The following RASGEF1A variants were observed in gnomAD, a reference collection of about 807,000 sequenced individuals.
The protein encoded by RASGEF1A is RasGEF domain family member 1A, also known as ras-GEF domain-containing family member 1A.
A neutral mutation model predicts 56.4 loss-of-function variants in RASGEF1A; 18 were observed. The observed-to-expected ratio is 0.32, with a 90% CI of 0.22 to 0.47. The LOEUF is 0.47. Ranked by LOEUF, RASGEF1A falls within the 20% of genes least tolerant of loss-of-function variation. The pLI, the probability that RASGEF1A is intolerant of heterozygous loss-of-function variation, is 1.00. For missense variants in RASGEF1A, 422 were observed against 627.1 expected (o/e 0.67, Z 3.49); for synonymous variants, 245 against 242.6 (o/e 1.01, Z -0.09).
In RASGEF1A at chr10:43,262,255, C is replaced by T. The variant is rs1003524426; in HGVS notation, c.-7+4590G>A. Among the ~76,000 whole-genome samples the T allele has an allele frequency of 1.3e-5, 2 of 152,202 alleles. 1 individual carries two copies. Among genetic ancestry groups the T allele is most frequent in the Non-Finnish European group, 2.9e-5 (2 of 68,028 alleles). On this transcript the variant is annotated intron_variant, in intron 1 of 12. Transcript: ENST00000395810. ...CTCCCGCCAGCCTCCTCCACGGAAGCTACTCTTTGTTAACAGCGTTGCCAT... is the reference window on the plus strand; with the variant it reads ...CTCCCGCCAGCCTCCTCCACGGAAGTTACTCTTTGTTAACAGCGTTGCCAT...
chr10:43,196,365 G>T lies in RASGEF1A; in HGVS notation c.1422-97C>A. 6.4e-7 allele frequency: 1 copy of T among 1,567,112 alleles called. No homozygotes were observed. Among genetic ancestry groups the T allele is most frequent in the Non-Finnish European group, 8.8e-7 (1 of 1,138,712 alleles). ...CCACCAAACATGCACCAGGGACCCT[G>T]GACCAGGGACGCGGCAGTGCCCAGG... is the stretch of plus-strand genomic sequence containing the variant. On this transcript the variant is annotated intron_variant, in intron 12 of 12. Transcript: ENST00000395810. This position sits in a 1 kb window ranked among gnomAD's most constrained non-coding sequence, Gnocchi z 4.6.
rs989526858 is a variant in RASGEF1A, at chr10:43,206,326, G to C, written c.-6-204C>G. Among the ~76,000 whole-genome samples, 6 of 152,212 alleles carry C rather than the reference G, an allele frequency of 3.9e-5. No homozygotes were observed. In the South Asian group the frequency reaches 1.2e-3, roughly 32 times the overall value. On this transcript the variant is annotated intron_variant, in intron 1 of 12. Transcript: ENST00000395810. ...CCCAGCCGCTGCACATCTGATCACT[G>C]TGTCTTCAGCTCCCTGTGGGCCAGA...
At chr10:43,229,831 G>C in intron 1 of RASGEF1A, 2 of 973,826 alleles carry the variant, frequency 2.1e-6, no homozygotes, top group Non-Finnish European at 2.7e-6. Context: ...GGGGACCGCG[G>C]GGTCCGGGCG....
chr10:43,246,906 A>C (rs1214488827), intron 1 of RASGEF1A, among the ~76,000 whole-genome samples: 1 of 152,250 alleles, frequency 6.6e-6, no homozygotes, highest in Non-Finnish European at 1.5e-5. Flanking sequence ...GTCAAATTTT[A>C]AAAGAGATAA....
chr10:43,197,161 G>A, intron 10 of RASGEF1A, 62 bp from the exon 11 acceptor site: 1 of 1,579,330 alleles, frequency 6.3e-7, no homozygotes, highest in Non-Finnish European at 8.6e-7. Context: ...CCTCGGTCAG[G>A]GCAGGGGACG....
intron 1 of RASGEF1A, among the ~76,000 whole-genome samples, chr10:43,252,245 C>T (rs1049666079): frequency 6.6e-6 from 1 of 152,220 alleles, no homozygotes; most frequent in African/African-American, 2.4e-5. Context: ...CACTCCACAT[C>T]GTGGACACAT....
chr10:43,255,983 C>T (rs938746951), intron 1 of RASGEF1A, among the ~76,000 whole-genome samples: 2 of 152,214 alleles, frequency 1.3e-5, no homozygotes, highest in Non-Finnish European at 2.9e-5. Flanking sequence ...TAAAGCTGCA[C>T]GCCTGTGATC....
intron 1 of RASGEF1A, among the ~76,000 whole-genome samples, chr10:43,209,776 C>T (rs1840041578): frequency 6.6e-6 from 1 of 152,198 alleles, no homozygotes; most frequent in Non-Finnish European, 1.5e-5. Context: ...CCAAGTCCAG[C>T]TGGGGCTGGC....
chr10:43,210,452 C>T (rs1840050611), intron 1 of RASGEF1A, among the ~76,000 whole-genome samples: 1 of 152,202 alleles, frequency 6.6e-6, no homozygotes, highest in Admixed American at 6.5e-5. Flanking sequence ...CCAGCCTGGG[C>T]AATGGAGCCA....
chr10:43,255,434 C>T (rs1230740876), intron 1 of RASGEF1A, among the ~76,000 whole-genome samples: 3 of 152,186 alleles, frequency 2.0e-5, no homozygotes, highest in Admixed American at 2.0e-4. Context: ...GCACCCTCAT[C>T]CAAAGGCTGG....
chr10:43,248,106 A>G (rs1047354417), intron 1 of RASGEF1A, among the ~76,000 whole-genome samples: 3 of 151,772 alleles, frequency 2.0e-5, no homozygotes, highest in East Asian at 1.9e-4. Flanking sequence ...CTATAATCCC[A>G]GCACTTTGGG....
At position 43,229,874 on chromosome 10, in the gene RASGEF1A, C is replaced by T. The variant is rs1840339033; in HGVS notation, c.-6-23752G>A. 8.9e-6 allele frequency: 5 copies of T among 563,900 alleles called. No individual in the cohort carries two copies. In the South Asian group the frequency reaches 2.9e-4, roughly 33 times the overall value. The allele number at this position is 563,900 out of a possible 1,614,324, so 34.9% of individuals were successfully genotyped here. A position where few individuals can be genotyped will look rare whatever the true frequency, so the allele number is the denominator to read the frequency against. On this transcript the variant is annotated intron_variant, in intron 1 of 12. Coordinates refer to ENST00000395810, the MANE Select transcript of RASGEF1A (RefSeq NM_145313.4). ...GGGGCCGCGAGGCCGGCCAGGAACG[C>T]GGGGCGGGGCCGAGGCTAGGAGCAT...
chr10:43,206,225 G>T (rs1367717909), intron 1 of RASGEF1A, 103 bp from the exon 2 acceptor site: 1 of 993,956 alleles, frequency 1.0e-6, no homozygotes, highest in Non-Finnish European at 1.5e-6. Context: ...GTGCAGGGGT[G>T]CGTGGCAGGG....
At chr10:43,213,563 G>GT (rs764752656) in intron 1 of RASGEF1A, among the ~76,000 whole-genome samples, 5 of 152,294 alleles carry the variant, frequency 3.3e-5, no homozygotes, top group Non-Finnish European at 7.4e-5. Context: ...GAAAAGGGAA[G>GT]TTTTTGTGAA....
chr10:43,198,778 G>C (rs547243084), intron 9 of RASGEF1A, among the ~76,000 whole-genome samples, 155 bp downstream of exon 9: 3 of 152,342 alleles, frequency 2.0e-5, no homozygotes, highest in African/African-American at 7.2e-5. Flanking sequence ...CCCACTGCTG[G>C]AGGACGAACA....
chr10:43,253,884 G>C (rs938552974), intron 1 of RASGEF1A, among the ~76,000 whole-genome samples: 3 of 152,248 alleles, frequency 2.0e-5, no homozygotes, highest in Non-Finnish European at 4.4e-5. Context: ...GCAGCAATAA[G>C]AGGCAGGGGC....
chr10:43,224,878 A>G (rs1267443348), intron 1 of RASGEF1A, among the ~76,000 whole-genome samples: 1 of 152,230 alleles, frequency 6.6e-6, no homozygotes, highest in Non-Finnish European at 1.5e-5. Context: ...TAAGGTATCA[A>G]TAATCAATTA....
chr10:43,235,860 C>T lies in RASGEF1A; in HGVS notation c.-6-29738G>A, dbSNP rs993028158. 5.2e-4 allele frequency among the ~76,000 whole-genome samples: 30 copies of T among 57,150 alleles called. No homozygotes were observed. In the East Asian group the frequency reaches 0.014, roughly 27 times the overall value. 37.5% of individuals were successfully genotyped at this position (57,150 alleles called of 152,430 possible). On this transcript the variant is annotated intron_variant, in intron 1 of 12. Transcript: ENST00000395810. ...GGAGGCTGCAGCCACACAGGCAGGA[C>T]GGGTTGAGGGCCAAGACAGGGCCCG...
intron 10 of RASGEF1A, among the ~76,000 whole-genome samples, chr10:43,197,312 G>T (rs1839815223): frequency 6.6e-6 from 1 of 152,196 alleles, no homozygotes; most frequent in African/African-American, 2.4e-5. Flanking sequence ...ACTCTGTCTG[G>T]CCCTCCACCT....
Sources: allele counts gnomAD v4.1 joint callset (sites outside exome capture counted in the v4.1 genomes callset), GRCh38; gene constraint gnomAD v4.1.1; non-coding constraint Gnocchi (gnomAD v3.1); transcripts MANE v1.5; gene names NCBI Gene and HGNC (gene_info 2026-07-23, HGNC 2026-07-21).